The following CAMTA1 variants were observed in gnomAD, a reference collection of about 807,000 sequenced individuals.
CAMTA1 encodes the protein calmodulin binding transcription activator 1.
A neutral mutation model predicts 170.9 loss-of-function variants in CAMTA1; 27 were observed. That is an observed-to-expected ratio of 0.16 (90% confidence interval 0.12 to 0.22). The LOEUF (loss-of-function observed/expected upper bound fraction) is 0.22, where lower values mean the gene tolerates loss of function less well. Ranked by LOEUF, CAMTA1 falls within the 10% of genes least tolerant of loss-of-function variation. The pLI, the probability that CAMTA1 is intolerant of heterozygous loss-of-function variation, is 1.00. For missense variants in CAMTA1, 1,619 were observed against 2,217.2 expected, an observed-to-expected ratio of 0.73 and a Z score of 5.42; for synonymous variants, 833 against 891.5, an observed-to-expected ratio of 0.93 and a Z score of 1.17.
chr1:6,983,489 C>A (rs145792524), intron 3 of CAMTA1, among the ~76,000 whole-genome samples: 5 of 152,218 alleles, frequency 3.3e-5, no homozygotes, highest in Non-Finnish European at 7.3e-5. Context: ...AATCTGTTGT[C>A]ATACTATATG....
intron 3 of CAMTA1, among the ~76,000 whole-genome samples, chr1:7,043,720 G>A (rs1704864305): frequency 6.6e-6 from 1 of 152,172 alleles, no homozygotes. Context: ...CAGGGAAGCT[G>A]TTTTCGTCTT....
At chr1:7,210,316 A>G (rs1186475598) in intron 4 of CAMTA1, among the ~76,000 whole-genome samples, 1 of 152,166 alleles carries the variant, frequency 6.6e-6, no homozygotes. Context: ...TTTATTTTGT[A>G]GACTGTCCTT....
At chr1:6,785,659 C>A in intron 1 of CAMTA1, 84 bp downstream of exon 1, 2 of 588,416 alleles carry the variant, frequency 3.4e-6, no homozygotes, top group Non-Finnish European at 4.2e-6. Context: ...GCATCGGCGG[C>A]GCCGGGCGGG....
Position 7,377,694 on chromosome 1 carries a change from G to T in CAMTA1, c.439-90136G>T, listed in dbSNP as rs545817728. 2.5e-4 allele frequency among the ~76,000 whole-genome samples: 38 copies of T among 152,260 alleles called. 1 individual carries two copies. The South Asian group carries it at 7.9e-3, about 32-fold the overall frequency. On this transcript the variant is annotated intron_variant, in intron 5 of 22. Coordinates refer to ENST00000303635, the MANE Select transcript of CAMTA1 (RefSeq NM_015215.4). ...AAGGTTTTTGAGGAGGCCGAGGCAG[G>T]TGATCATTTGAGGTCAGGAGTTCGA...
Position 7,463,456 on chromosome 1 carries a change from GAGAC to G in CAMTA1, c.439-4370_439-4367del, listed in dbSNP as rs2093139215. Among the ~76,000 whole-genome samples, 2 of 151,968 alleles carry G rather than the reference GAGAC, an allele frequency of 1.3e-5. No individual in the cohort carries two copies. Among genetic ancestry groups the G allele is most frequent in the African/African-American group, 2.4e-5 (1 of 41,350 alleles). On this transcript the variant is annotated intron_variant, in intron 5 of 22. Transcript: ENST00000303635. This position sits in a 1 kb window ranked among gnomAD's most constrained non-coding sequence, Gnocchi z 4.7. ...AGAGACAGATGGGGGAAATGGGAGA[GAGAC>G]AGAGAGAGGACAAGACAGCTGCAGA...
intron 1 of CAMTA1, among the ~76,000 whole-genome samples, chr1:6,795,766 A>G (rs1177150238): frequency 6.6e-6 from 1 of 152,088 alleles, no homozygotes; most frequent in Non-Finnish European, 1.5e-5. Flanking sequence ...CTGAACTATG[A>G]CGTCAGCATT....
intron 7 of CAMTA1, among the ~76,000 whole-genome samples, chr1:7,661,172 A>G (rs1035363124): frequency 1.3e-5 from 2 of 152,180 alleles, no homozygotes; most frequent in East Asian, 3.9e-4. Context: ...CCTCTCCTGC[A>G]TCTGCACTCC....
chr1:7,507,215 G>A (rs192379935), intron 6 of CAMTA1, among the ~76,000 whole-genome samples: 6 of 151,736 alleles, frequency 4.0e-5, no homozygotes, highest in Admixed American at 1.3e-4. Flanking sequence ...CACACTCACC[G>A]ATACACACTT....
intron 3 of CAMTA1, among the ~76,000 whole-genome samples, chr1:6,858,522 C>G (rs1438305835): frequency 6.8e-6 from 1 of 146,538 alleles, no homozygotes; most frequent in Non-Finnish European, 1.5e-5. Flanking sequence ...ATGCCCATTA[C>G]AGAAACCAGT....
At chr1:7,323,753 CT>C (rs1678855722) in intron 5 of CAMTA1, among the ~76,000 whole-genome samples, 1 of 152,166 alleles carries the variant, frequency 6.6e-6, no homozygotes, top group Non-Finnish European at 1.5e-5. Context: ...TGATTGTCTT[CT>C]TTTGTTCACC....
rs1000633721 is a variant in CAMTA1 at position 6,971,127 on chromosome 1, A to C, written c.235-120177A>C. ...GGTCCTAGGAGTGTCAGTGAGCACA[A>C]AGCAGACACAGAAGAAACCTTGAAG... On this transcript the variant is annotated intron_variant, in intron 3 of 22. Transcript: ENST00000303635. This position sits in a 1 kb window ranked among gnomAD's most constrained non-coding sequence, Gnocchi z 4.6. Among the ~76,000 whole-genome samples the C allele has an allele frequency of 3.9e-5, 6 of 152,170 alleles. No homozygotes were observed. Among genetic ancestry groups the C allele is most frequent in the Non-Finnish European group, 5.9e-5 (4 of 68,034 alleles).
intron 5 of CAMTA1, among the ~76,000 whole-genome samples, chr1:7,283,405 G>T (rs1303865464): frequency 6.6e-6 from 1 of 152,144 alleles, no homozygotes; most frequent in East Asian, 1.9e-4. Context: ...CGAGGTTCCA[G>T]CTCATCCATA....
At chr1:7,755,950 C>T (rs984795076) in intron 22 of CAMTA1, among the ~76,000 whole-genome samples, 71 of 152,258 alleles carry the variant, frequency 4.7e-4, no homozygotes, top group African/African-American at 1.7e-3. Context: ...GAGGAAGCCT[C>T]AGGACGAAAA....
intron 6 of CAMTA1, among the ~76,000 whole-genome samples, chr1:7,632,917 C>T (rs1173919390): frequency 1.3e-5 from 2 of 152,364 alleles, no homozygotes; most frequent in East Asian, 3.9e-4. Flanking sequence ...CCTGGAGCAC[C>T]TCCCCCACCT....
intron 4 of CAMTA1, among the ~76,000 whole-genome samples, chr1:7,167,824 C>A (rs1267745822): frequency 6.6e-6 from 1 of 152,132 alleles, no homozygotes; most frequent in Non-Finnish European, 1.5e-5. Flanking sequence ...TCATAGCTCA[C>A]TGCAGCCTCG....
At chr1:7,207,266 A>G (rs1179104936) in intron 4 of CAMTA1, among the ~76,000 whole-genome samples, 2 of 152,204 alleles carry the variant, frequency 1.3e-5, no homozygotes, top group Non-Finnish European at 2.9e-5. Flanking sequence ...CCCGCTTGGA[A>G]GAGGAGACAT....
At chr1:7,139,561 C>T (rs968678017) in intron 4 of CAMTA1, among the ~76,000 whole-genome samples, 3 of 151,984 alleles carry the variant, frequency 2.0e-5, no homozygotes, top group Non-Finnish European at 2.9e-5. Flanking sequence ...GCCTCTGTGA[C>T]ATTGCCCACT....
intron 16 of CAMTA1, among the ~76,000 whole-genome samples, chr1:7,741,109 T>A (rs1272989151): frequency 1.3e-5 from 2 of 152,144 alleles, no homozygotes; most frequent in Non-Finnish European, 2.9e-5. Context: ...GTTTAAACTA[T>A]CTCCTAGAAC....
chr1:7,270,134 G>A (rs1046449512), intron 5 of CAMTA1, among the ~76,000 whole-genome samples: 1 of 151,314 alleles, frequency 6.6e-6, no homozygotes, highest in East Asian at 1.9e-4. Flanking sequence ...CAAAAAAAGT[G>A]TTGCTAGCAG....
Sources: allele counts gnomAD v4.1 joint callset (sites outside exome capture counted in the v4.1 genomes callset), GRCh38; gene constraint gnomAD v4.1.1; non-coding constraint Gnocchi (gnomAD v3.1); transcripts MANE v1.5; gene names NCBI Gene and HGNC (gene_info 2026-07-23, HGNC 2026-07-21).